MYO15B: variants seen among roughly 807,000 people sequenced by gnomAD.
MYO15B encodes the protein myosin XVB.
A neutral mutation model predicts 119.3 loss-of-function variants in MYO15B; 207 were observed. That is an observed-to-expected ratio of 1.73 (90% confidence interval 1.55 to 1.95). The LOEUF (loss-of-function observed/expected upper bound fraction) is 1.95, where lower values mean the gene tolerates loss of function less well. Ranked by LOEUF, MYO15B falls within the 30% of genes most tolerant of loss-of-function variation. The pLI, the probability that MYO15B is intolerant of heterozygous loss-of-function variation, is 0.00. For missense variants in MYO15B, 2,264 were observed against 1,203.1 expected (o/e 1.88, Z -13.04); for synonymous variants, 966 against 498.9 (o/e 1.94, Z -12.48).
At chr17:75,626,471 C>T in exon 64 of MYO15B, 1 of 703,236 alleles carries the variant, frequency 1.4e-6, no homozygotes, top group Non-Finnish European at 2.6e-6. Context: ...ACTGAGTGGC[C>T]CAGCATCAAC....
In MYO15B at chr17:75,622,126, G is replaced by A. The variant is rs1326695037; in HGVS notation, c.8082+46G>A. On this transcript the variant is annotated intron_variant, in intron 53 of 63. Coordinates refer to ENST00000645453, the Ensembl canonical transcript of MYO15B. ...CCCCAGCGCCTGTGCCTGTCCTCCT[G>A]TCTGGGCCTGAAGGAGATCCCCTTC... 7 of 699,806 alleles carry A rather than the reference G, an allele frequency of 1.0e-5. No homozygotes were observed. In the East Asian group the frequency reaches 1.9e-4, roughly 19 times the overall value. 43.3% of individuals were successfully genotyped at this position (699,806 alleles called of 1,614,324 possible). A position where few individuals can be genotyped will look rare whatever the true frequency, so the allele number is the denominator to read the frequency against.
In MYO15B at chr17:75,617,272, AG is replaced by A. The variant is rs2058431405; in HGVS notation, c.6784del (p.Asp2262ThrfsTer12). On this transcript the variant is annotated frameshift_variant, in exon 41 of 64. Coordinates refer to ENST00000645453, the Ensembl canonical transcript of MYO15B. LOFTEE classifies it high-confidence loss of function. ...CCAGCGCCACCACTGCCTCTGCCCG[AG>A]GACCCAGGGACCCTTTCAGCAGAGC... 3.0e-6 allele frequency: 2 copies of A among 677,416 alleles called. No individual in the cohort carries two copies. Among genetic ancestry groups the A allele is most frequent in the Non-Finnish European group, 5.4e-6 (2 of 373,392 alleles). 42.0% of individuals were successfully genotyped at this position (677,416 alleles called of 1,614,324 possible).
chr17:75,590,134 G>T lies in MYO15B; in HGVS notation c.2077G>T (p.Asp693Tyr), dbSNP rs1255325223. 7.5e-6 allele frequency: 3 copies of T among 398,922 alleles called. No homozygotes were observed. In the East Asian group the frequency reaches 1.1e-4, roughly 14 times the overall value. The allele number at this position is 398,922 out of a possible 1,614,324, so 24.7% of individuals were successfully genotyped here. The stretch of plus-strand genomic sequence containing the variant: ...TGAGGACGAGGCGGTGCTGGAGAGG[G>T]ACCTGGAGCTGAGCCTCCGGCCGGG... The change falls in exon 1 of 64, where the codon GAC becomes TAC. Residue 693 changes from aspartate (D) to tyrosine (Y), a missense_variant. Transcript: ENST00000645453.
intron 25 of MYO15B, 74 bp from the exon 26 acceptor site, chr17:75,612,724 G>C (rs2058103985): frequency 2.9e-6 from 2 of 693,812 alleles, no homozygotes; most frequent in Non-Finnish European, 5.2e-6. Context: ...CTCCCGAGGT[G>C]CCTGCTCCGG....
chr17:75,602,218 A>G, intron 15 of MYO15B: 1 of 484,332 alleles, frequency 2.1e-6, no homozygotes, highest in Non-Finnish European at 3.8e-6. Flanking sequence ...ATGTAAATCA[A>G]AATAGATTTA....
intron 22 of MYO15B, among the ~76,000 whole-genome samples, chr17:75,610,503 G>A (rs1232635980): frequency 1.3e-5 from 2 of 152,148 alleles, no homozygotes; most frequent in East Asian, 1.9e-4. Flanking sequence ...CTCTTGCCTG[G>A]GGTTCCCATC....
rs897971956 is a variant in MYO15B at position 75,606,031 on chromosome 17, C to T, written c.4292+10C>T. 12 of 681,866 alleles carry T rather than the reference C, an allele frequency of 1.8e-5. No homozygotes were observed. Among genetic ancestry groups the T allele is most frequent in the East Asian group, 2.7e-5 (1 of 36,854 alleles). 42.2% of individuals were successfully genotyped at this position (681,866 alleles called of 1,614,324 possible). On this transcript the variant is annotated intron_variant, in intron 21 of 63. Coordinates refer to ENST00000645453, the Ensembl canonical transcript of MYO15B. ...GTGGGTTCCAGGCCAGGTCTGCAGGCGTTGGAGCCAGGGCTGAAGTGGGTG... is the reference window on the plus strand; with the variant it reads ...GTGGGTTCCAGGCCAGGTCTGCAGGTGTTGGAGCCAGGGCTGAAGTGGGTG...
chr17:75,594,362 A>T lies in MYO15B; in HGVS notation c.2992-113A>T, dbSNP rs886580470. On this transcript the variant is annotated intron_variant, in intron 9 of 63. Coordinates refer to ENST00000645453, the Ensembl canonical transcript of MYO15B. The stretch of plus-strand genomic sequence containing the variant: ...AATGGCCCAGATCTCCTCATGTGAC[A>T]TATCTCCCCTTTGGTGACAGGGCCA... The T allele has an allele frequency of 1.5e-5, 8 of 551,414 alleles. No individual in the cohort carries two copies. In the African/African-American group the frequency reaches 1.5e-4, roughly 10 times the overall value. 34.2% of individuals were successfully genotyped at this position (551,414 alleles called of 1,614,324 possible).
rs2056313718 is a variant in MYO15B at position 75,589,637 on chromosome 17, T to A, written c.1580T>A (p.Val527Asp). 5.0e-6 allele frequency: 2 copies of A among 398,806 alleles called. No individual in the cohort carries two copies. Among genetic ancestry groups the A allele is most frequent in the South Asian group, 1.3e-4 (1 of 7,870 alleles). 24.7% of individuals were successfully genotyped at this position (398,806 alleles called of 1,614,324 possible). A position where few individuals can be genotyped will look rare whatever the true frequency, so the allele number is the denominator to read the frequency against. The change falls in exon 1 of 64, where the codon GTC becomes GAC. Residue 527 changes from valine to aspartate, a missense_variant. Coordinates refer to ENST00000645453, the Ensembl canonical transcript of MYO15B. The surrounding 1 kb of genome is among the most constrained non-coding windows in gnomAD (Gnocchi z 4.2). The stretch of plus-strand genomic sequence containing the variant: ...TCCCCGCAGGTCCCGACAAGCCCAG[T>A]CCCCGGCGACCCTTTTGATCAGGAG...
exon 19 of MYO15B, chr17:75,603,285 G>C (rs1277369727): frequency 1.4e-6 from 1 of 703,086 alleles, no homozygotes. Context: ...TTCCCCGTGC[G>C]TGTGCCCTTT....
chr17:75,592,278 G>T lies in MYO15B; in HGVS notation c.2692G>T (p.Glu898Ter). 1 of 702,842 alleles carries T rather than the reference G, an allele frequency of 1.4e-6. No individual in the cohort carries two copies. Among genetic ancestry groups the T allele is most frequent in the Non-Finnish European group, 2.6e-6 (1 of 384,960 alleles). 43.5% of individuals were successfully genotyped at this position (702,842 alleles called of 1,614,324 possible). A position where few individuals can be genotyped will look rare whatever the true frequency, so the allele number is the denominator to read the frequency against. The change falls in exon 7 of 64, where the codon GAG becomes TAG. Residue 898 changes from glutamate (E) to a stop codon, truncating the protein, a stop_gained. Transcript: ENST00000645453. LOFTEE classifies it high-confidence loss of function. ...AGCCTCTGTGTCTCATTATCTACTT[G>T]AGACCTCCAGGGTGGTGTTTCAGGT...
At position 75,594,822 on chromosome 17, in the gene MYO15B, C is replaced by T. The variant is rs1333854830; in HGVS notation, c.3165-18C>T. On this transcript the variant is annotated intron_variant, in intron 11 of 63. Transcript: ENST00000645453. ...GAGGCACGGCTCTATGTGGCTCACCCACCCGCCATGCCTACAGGGACGCCC... is the reference window on the plus strand; with the variant it reads ...GAGGCACGGCTCTATGTGGCTCACCTACCCGCCATGCCTACAGGGACGCCC... The T allele has an allele frequency of 2.8e-6, 2 of 702,828 alleles. No homozygotes were observed. Among genetic ancestry groups the T allele is most frequent in the African/African-American group, 1.7e-5 (1 of 57,398 alleles). The allele number at this position is 702,828 out of a possible 1,614,324, so 43.5% of individuals were successfully genotyped here. A position where few individuals can be genotyped will look rare whatever the true frequency, so the allele number is the denominator to read the frequency against.
At chr17:75,622,747 T>A (rs577965191) in intron 53 of MYO15B, among the ~76,000 whole-genome samples, 1 of 151,912 alleles carries the variant, frequency 6.6e-6, no homozygotes, top group Admixed American at 6.5e-5. Context: ...GCCAGCAGAG[T>A]GTGCTGACCA....
At chr17:75,599,147 C>T (rs867234835) in intron 14 of MYO15B, among the ~76,000 whole-genome samples, 8 of 152,178 alleles carry the variant, frequency 5.3e-5, no homozygotes, top group African/African-American at 9.7e-5. Context: ...ATCCTCCCAC[C>T]GTTGCCTCTC....
chr17:75,610,511 A>G (rs950577475), intron 22 of MYO15B, among the ~76,000 whole-genome samples: 2 of 151,736 alleles, frequency 1.3e-5, no homozygotes, highest in African/African-American at 2.4e-5. Flanking sequence ...TGGGGTTCCC[A>G]TCCCCTCCAG....
chr17:75,617,154 C>A, exon 41 of MYO15B: 1 of 689,166 alleles, frequency 1.5e-6, no homozygotes. Flanking sequence ...CCCGCTACAG[C>A]TTGGGCCCTC....
chr17:75,616,055 T>C lies in MYO15B; in HGVS notation c.6031-14T>C, dbSNP rs201829073. The C allele has an allele frequency of 2.1e-5, 12 of 580,084 alleles. No homozygotes were observed. The highest frequency in any genetic ancestry group is 2.1e-4 in the African/African-American group (11 of 53,290). 35.9% of individuals were successfully genotyped at this position (580,084 alleles called of 1,614,324 possible). On this transcript the variant is annotated splice_polypyrimidine_tract_variant and intron_variant, in intron 36 of 63. Coordinates refer to ENST00000645453, the Ensembl canonical transcript of MYO15B. ...CAGGCTGGCTGAGCTGCCACTCATT[T>C]CTGCTTCTGCCAGGAGACCTCCGAG...
At chr17:75,612,094 T>G in intron 25 of MYO15B, 78 bp downstream of exon 25, 1 of 673,568 alleles carries the variant, frequency 1.5e-6, no homozygotes, top group Non-Finnish European at 2.7e-6. Context: ...GCTGCGTTTT[T>G]TTCCCCGCTG....
At position 75,616,861 on chromosome 17, in the gene MYO15B, C is replaced by T. The variant is rs1312865686; in HGVS notation, c.6507-13C>T. ...ACCCTATGAACTTAGTGACCTCTTG[C>T]TTCTCCCACGAGGCCTCCCAAAGCT... On this transcript the variant is annotated splice_polypyrimidine_tract_variant and intron_variant, in intron 39 of 63. Coordinates refer to ENST00000645453, the Ensembl canonical transcript of MYO15B. 1.0e-5 allele frequency: 7 copies of T among 703,072 alleles called. No homozygotes were observed. The East Asian group carries it at 1.9e-4, about 19-fold the overall frequency. The allele number at this position is 703,072 out of a possible 1,614,324, so 43.6% of individuals were successfully genotyped here.
Sources: allele counts gnomAD v4.1 joint callset (sites outside exome capture counted in the v4.1 genomes callset), GRCh38; gene constraint gnomAD v4.1.1; non-coding constraint Gnocchi (gnomAD v3.1); transcripts MANE v1.5; gene names NCBI Gene and HGNC (gene_info 2026-07-23, HGNC 2026-07-21).